CUBN: variants seen among roughly 807,000 people sequenced by gnomAD.
CUBN encodes 460 kDa receptor.
CUBN carries 282 observed loss-of-function variants against 405.3 expected under a neutral mutation model. That is an observed-to-expected ratio of 0.70 (90% confidence interval 0.63 to 0.77). CUBN has a LOEUF of 0.77. CUBN is among the 30% of genes least tolerant of loss of function. The pLI is 0.00. For synonymous variants in CUBN, 1,684 were observed against 1,617.0 expected (o/e 1.04, Z -0.99); for missense variants, 4,514 against 4,475.2 (o/e 1.01, Z -0.25).
chr10:16,827,885 G>A (rs1838835009), intron 66 of CUBN, among the ~76,000 whole-genome samples: 1 of 152,224 alleles, frequency 6.6e-6, no homozygotes. Context: ...GCAGGTGTGA[G>A]CCCTTACTCT....
rs61841454 is a variant in CUBN at position 16,947,273 on chromosome 10, G to A, written c.5304C>T (p.Ile1768=). The part of the protein sequence containing the change: ...YPPNVECVWN[I]VSSPGNRLQL... ...GGAGCCGGTTGCCAGGGGAACTGACGATGTTCCAGACACATTCCACATTAG... is the reference window on the plus strand; with the variant it reads ...GGAGCCGGTTGCCAGGGGAACTGACAATGTTCCAGACACATTCCACATTAG... The change falls in exon 36 of 67, where the codon ATC becomes ATT. Residue 1768 remains isoleucine (I), a synonymous_variant. Coordinates refer to ENST00000377833, the MANE Select transcript of CUBN (RefSeq NM_001081.4). 0.076 allele frequency: 121,848 copies of A among 1,613,628 alleles called. 5,318 individuals carry two copies. Among genetic ancestry groups the A allele is most frequent in the Non-Finnish European group, 0.088 (103,590 of 1,179,634 alleles).
rs564971556 is a variant in CUBN, at chr10:17,109,914, G to T, written c.1016-179C>A. Among the ~76,000 whole-genome samples the T allele has an allele frequency of 7.9e-5, 12 of 152,090 alleles. No individual in the cohort carries two copies. In the East Asian group the frequency reaches 1.9e-3, roughly 25 times the overall value. On this transcript the variant is annotated intron_variant, in intron 9 of 66. Coordinates refer to ENST00000377833, the MANE Select transcript of CUBN (RefSeq NM_001081.4). ...ATTTCATAAATAAGAAAAATAACAA[G>T]AATTAGTAACCTGATTTCATAAGCA... is the stretch of plus-strand genomic sequence containing the variant.
intron 28 of CUBN, among the ~76,000 whole-genome samples, chr10:17,011,440 G>T (rs923600678): frequency 6.6e-6 from 1 of 152,086 alleles, no homozygotes; most frequent in African/African-American, 2.4e-5. Flanking sequence ...GTTCCTCCCG[G>T]TGGGTTCGTG....
rs757152487 is a variant in CUBN, at chr10:16,984,088, C to T, written c.4525+17G>A. 1.5e-5 allele frequency: 25 copies of T among 1,613,916 alleles called. No homozygotes were observed. Among genetic ancestry groups the T allele is most frequent in the Non-Finnish European group, 1.9e-5 (23 of 1,179,934 alleles). ...GCTCGGCTTAAGTACTTTAGGAAACCTCCTTTTCTCACTCACCTCCAGTGA... is the reference window on the plus strand; with the variant it reads ...GCTCGGCTTAAGTACTTTAGGAAACTTCCTTTTCTCACTCACCTCCAGTGA... On this transcript the variant is annotated intron_variant, in intron 30 of 66. Transcript: ENST00000377833.
chr10:17,081,775 C>T (rs1366428860), intron 17 of CUBN, among the ~76,000 whole-genome samples: 2 of 152,272 alleles, frequency 1.3e-5, no homozygotes, highest in East Asian at 3.9e-4. Context: ...CTAAGTTTTA[C>T]TTTGACAATA....
chr10:16,847,499 T>C (rs1310900885), intron 60 of CUBN, among the ~76,000 whole-genome samples: 3 of 152,110 alleles, frequency 2.0e-5, no homozygotes, highest in African/African-American at 7.2e-5. Flanking sequence ...AAATGTATTT[T>C]ATTTGTACTT....
chr10:17,121,017 A>G (rs975312869), intron 6 of CUBN, among the ~76,000 whole-genome samples: 3 of 152,200 alleles, frequency 2.0e-5, no homozygotes, highest in East Asian at 1.9e-4. Context: ...TAATGGGTTC[A>G]CGGAAATGAG....
At chr10:16,930,829 GCAGGAATAGC>G (rs1188936703) in intron 40 of CUBN, among the ~76,000 whole-genome samples, 2 of 152,210 alleles carry the variant, frequency 1.3e-5, no homozygotes, top group Non-Finnish European at 2.9e-5. Flanking sequence ...AATTGCATGA[GCAGGAATAGC>G]CTATAAGTAT....
At chr10:16,962,569 TA>T (rs1843262451) in intron 31 of CUBN, among the ~76,000 whole-genome samples, 1 of 152,112 alleles carries the variant, frequency 6.6e-6, no homozygotes, top group Non-Finnish European at 1.5e-5. Flanking sequence ...TGGTTCTAAT[TA>T]ACAGAATACA....
In CUBN at chr10:17,075,078, T is replaced by C. The variant is rs111481686; in HGVS notation, c.2302-3107A>G. ...AGAAGATTTTTCTTTGTTTTCTTTT[T>C]TTTTTTTTTTTTTTTTTTTTTTTGA... On this transcript the variant is annotated intron_variant, in intron 17 of 66. Coordinates refer to ENST00000377833, the MANE Select transcript of CUBN (RefSeq NM_001081.4). Among the ~76,000 whole-genome samples the C allele has an allele frequency of 3.4e-3, 342 of 100,374 alleles. 1 individual carries two copies. The highest frequency in any genetic ancestry group is 4.2e-3 in the Middle Eastern group (1 of 240). 65.8% of individuals were successfully genotyped at this position (100,374 alleles called of 152,430 possible).
At chr10:16,865,323 T>C (rs112343513) in intron 59 of CUBN, among the ~76,000 whole-genome samples, 11 of 152,178 alleles carry the variant, frequency 7.2e-5, no homozygotes, top group Middle Eastern at 3.4e-3. Flanking sequence ...GTCCTTGTTA[T>C]ATATGTGCTT....
rs1841554531 is a variant in CUBN, at chr10:16,906,313, C to T, written c.7802G>A (p.Trp2601Ter). ...TCCCTGATTTGGATTGCTGAGAGTC[C>T]ATTCGCAGTTCAGGTTTCTTGAGTA... Reference protein sequence around the residue: ...RNYSRNLNCEWTLSNPNQGNS... With the variant: ...RNYSRNLNCE The change falls in exon 50 of 67, where the codon TGG (tryptophan) becomes TAG (stop). Residue 2601 changes from tryptophan (W) to a stop codon, truncating the protein, a stop_gained. Transcript: ENST00000377833. LOFTEE classifies it high-confidence loss of function. 1.9e-6 allele frequency: 3 copies of T among 1,613,608 alleles called. No homozygotes were observed. The highest frequency in any genetic ancestry group is 2.7e-5 in the African/African-American group (2 of 74,874).
At chr10:16,858,691 A>C (rs752992017) in intron 59 of CUBN, among the ~76,000 whole-genome samples, 3 of 152,254 alleles carry the variant, frequency 2.0e-5, no homozygotes, top group Non-Finnish European at 4.4e-5. Flanking sequence ...AAGAAAAATG[A>C]AGTGGGATGA....
intron 31 of CUBN, among the ~76,000 whole-genome samples, chr10:16,958,105 C>G (rs1319463405): frequency 6.6e-6 from 1 of 152,058 alleles, no homozygotes; most frequent in Non-Finnish European, 1.5e-5. Context: ...CAAAAGTAAA[C>G]TAAAATATTA....
intron 59 of CUBN, among the ~76,000 whole-genome samples, chr10:16,866,003 C>A (rs1228169548): frequency 1.3e-5 from 2 of 152,060 alleles, no homozygotes; most frequent in Middle Eastern, 3.2e-3. Flanking sequence ...CCTGAGGGTG[C>A]GTCTTCCCCA....
At chr10:16,980,105 T>C (rs1833220476) in intron 31 of CUBN, among the ~76,000 whole-genome samples, 1 of 152,228 alleles carries the variant, frequency 6.6e-6, no homozygotes, top group Non-Finnish European at 1.5e-5. Flanking sequence ...TCACCATCAC[T>C]GGTCCTTAGA....
intron 60 of CUBN, among the ~76,000 whole-genome samples, chr10:16,845,412 G>A (rs149441583): frequency 0.011 from 1,633 of 152,274 alleles, 34 homozygotes; most frequent in African/African-American, 0.038. Context: ...CTCTGATGAG[G>A]TCTGCTGGGC....
Position 17,114,094 on chromosome 10 carries a change from C to T in CUBN, c.816G>A (p.Gly272=). The T allele has an allele frequency of 6.2e-7, 1 of 1,613,332 alleles. No individual in the cohort carries two copies. Among genetic ancestry groups the T allele is most frequent in the Non-Finnish European group, 8.5e-7 (1 of 1,179,736 alleles). The change falls in exon 8 of 67, where the codon GGG becomes GGA. Residue 272 remains glycine, a synonymous_variant. Coordinates refer to ENST00000377833, the MANE Select transcript of CUBN (RefSeq NM_001081.4). ...LDRDECSFQP[G]PCSTLVQCFN... ...AACACTGCACAAGTGTGGAGCAAGG[C>T]CCGGGCTGGAAGCTGCACTCGTCTC...
intron 31 of CUBN, among the ~76,000 whole-genome samples, chr10:16,970,532 C>A (rs981536072): frequency 1.4e-5 from 2 of 146,522 alleles, no homozygotes; most frequent in African/African-American, 5.1e-5. Flanking sequence ...GCTGAGATCA[C>A]ACCTTTGCAC....
Sources: gnomAD v4.1 joint callset for allele counts (sites outside exome capture counted in the v4.1 genomes callset) on GRCh38, gnomAD v4.1.1 for gene constraint, MANE v1.5 for transcripts, NCBI Gene and HGNC (gene_info 2026-07-23, HGNC 2026-07-21) for gene names.